Variants in LYST observed in about 807,000 individuals in gnomAD.
The protein encoded by LYST is lysosomal-trafficking regulator.
Under a neutral mutation model 413.6 loss-of-function variants are expected in LYST, and 192 were observed. The ratio of observed to expected loss-of-function variants is 0.46; its 90% CI spans 0.41 to 0.52. The LOEUF (loss-of-function observed/expected upper bound fraction) is 0.52. Among genes scored for constraint, LYST ranks in the 20% least tolerant of loss-of-function variants. LYST has a pLI of 0.00. For synonymous variants in LYST, 1,525 were observed against 1,567.3 expected, an observed-to-expected ratio of 0.97 and a Z score of 0.64; for missense variants, 3,815 against 4,499.9, an observed-to-expected ratio of 0.85 and a Z score of 4.35.
At chr1:235,698,699 G>A (rs1313375675) in intron 45 of LYST, among the ~76,000 whole-genome samples, 3 of 152,156 alleles carry the variant, frequency 2.0e-5, no homozygotes, top group South Asian at 4.1e-4. Context: ...GTGAAACCCT[G>A]TCTCTACTAA....
Position 235,697,096 on chromosome 1 carries a change from A to C in LYST, c.10551T>G (p.Tyr3517Ter). 1 of 1,613,898 alleles carries C rather than the reference A, an allele frequency of 6.2e-7. No homozygotes were observed. Among genetic ancestry groups the C allele is most frequent in the Non-Finnish European group, 8.5e-7 (1 of 1,179,768 alleles). The change falls in exon 46 of 53, where the codon TAT becomes TAG. Residue 3517 changes from tyrosine (Y) to a stop codon, truncating the protein, a stop_gained. Coordinates refer to ENST00000389793, the MANE Select transcript of LYST (RefSeq NM_000081.4). LOFTEE classifies it high-confidence loss of function. ...ATTTTATTTTACCTTGTTCCTTGCTATATGTCATCAGAAGACAGAAATTCC... is the reference window on the plus strand; with the variant it reads ...ATTTTATTTTACCTTGTTCCTTGCTCTATGTCATCAGAAGACAGAAATTCC... ...LSRNFCLLMT[Y>*]SKEQGVRSMN...
At chr1:235,697,958 T>C (rs1661235701) in intron 45 of LYST, among the ~76,000 whole-genome samples, 1 of 152,178 alleles carries the variant, frequency 6.6e-6, no homozygotes, top group South Asian at 2.1e-4. Flanking sequence ...AGATACCCAT[T>C]TGGCTGCCCA....
intron 16 of LYST, among the ~76,000 whole-genome samples, chr1:235,777,964 C>G (rs1338391022): frequency 1.3e-5 from 2 of 151,456 alleles, no homozygotes; most frequent in African/African-American, 4.9e-5. Context: ...GCTCTGGCAC[C>G]CAGGCTGGAG....
chr1:235,772,527 A>C (rs1005712480), intron 19 of LYST, among the ~76,000 whole-genome samples: 3 of 152,176 alleles, frequency 2.0e-5, no homozygotes, highest in Non-Finnish European at 4.4e-5. Context: ...ATTGCTTAAA[A>C]CTAGGGCAGA....
At chr1:235,776,731 C>G (rs1028193847) in intron 17 of LYST, among the ~76,000 whole-genome samples, 8 of 150,840 alleles carry the variant, frequency 5.3e-5, no homozygotes, top group Non-Finnish European at 5.9e-5. Flanking sequence ...TAGTTTTTTC[C>G]TATGCATTGG....
At chr1:235,789,754 T>A (rs1178586478) in intron 12 of LYST, among the ~76,000 whole-genome samples, 1 of 152,184 alleles carries the variant, frequency 6.6e-6, no homozygotes, top group Non-Finnish European at 1.5e-5. Flanking sequence ...GACCAAGATA[T>A]ATGATATACA....
At chr1:235,828,727 A>G in intron 3 of LYST, 1 of 902,986 alleles carries the variant, frequency 1.1e-6, no homozygotes, top group Non-Finnish European at 1.3e-6. Context: ...GAATTTTTTT[A>G]TTGTGGGGAA....
At chr1:235,663,877 A>C in intron 52 of LYST, 107 bp downstream of exon 52, 2 of 984,852 alleles carry the variant, frequency 2.0e-6, no homozygotes, top group Non-Finnish European at 3.3e-6. Context: ...GCTTTTCATG[A>C]TGACTTCAAT....
At chr1:235,680,045 G>C (rs1244794715) in intron 48 of LYST, among the ~76,000 whole-genome samples, 1 of 150,614 alleles carries the variant, frequency 6.6e-6, no homozygotes, top group Non-Finnish European at 1.5e-5. Context: ...AACTAAGACT[G>C]AATAAAAATA....
At chr1:235,784,972 T>C (rs1048564254) in intron 14 of LYST, among the ~76,000 whole-genome samples, 6 of 152,212 alleles carry the variant, frequency 3.9e-5, no homozygotes, top group Admixed American at 6.5e-5. Context: ...AAAACTGAAC[T>C]CTTAATTTTA....
chr1:235,801,563 C>A (rs1672232315), intron 8 of LYST, among the ~76,000 whole-genome samples: 1 of 152,012 alleles, frequency 6.6e-6, no homozygotes, highest in East Asian at 1.9e-4. Flanking sequence ...TTGAATATTG[C>A]ATTTTGGAAA....
chr1:235,791,720 C>T lies in LYST; in HGVS notation c.4522G>A (p.Asp1508Asn), dbSNP rs1485880526. The T allele has an allele frequency of 6.2e-6, 10 of 1,612,352 alleles. No individual in the cohort carries two copies. The highest frequency in any genetic ancestry group is 8.5e-6 in the Non-Finnish European group (10 of 1,178,720). ...KKRNKSLILP[D>N]SSFDGTESDR... Reference sequence around the variant, plus strand: ...ATACCTGTACCATCAAAACTGCTATCTGGTAAAATTAATGATTTGTTTCTT... The same window carrying T: ...ATACCTGTACCATCAAAACTGCTATTTGGTAAAATTAATGATTTGTTTCTT... The change falls in exon 12 of 53, where the codon GAT becomes AAT. Residue 1508 changes from aspartate (D) to asparagine (N), a missense_variant. Physicochemically the swap from Asp to Asn is conservative, Grantham distance 23. This residue lies in a region of LYST where 1,648 missense variants were observed against 1,810.3 expected (regional missense o/e 0.91). Coordinates refer to ENST00000389793, the MANE Select transcript of LYST (RefSeq NM_000081.4).
chr1:235,818,021 A>G (rs1674361560), intron 3 of LYST, among the ~76,000 whole-genome samples: 1 of 150,206 alleles, frequency 6.7e-6, no homozygotes, highest in Admixed American at 6.6e-5. Flanking sequence ...TTATACACAC[A>G]TGTCAATTTT....
At chr1:235,696,333 G>A (rs964616524) in intron 46 of LYST, among the ~76,000 whole-genome samples, 2 of 152,206 alleles carry the variant, frequency 1.3e-5, no homozygotes, top group African/African-American at 2.4e-5. Flanking sequence ...AGAAGGTAAT[G>A]GTAATTGCCA....
chr1:235,710,198 A>G (rs1348994645), intron 43 of LYST, among the ~76,000 whole-genome samples: 1 of 152,166 alleles, frequency 6.6e-6, no homozygotes, highest in Admixed American at 6.5e-5. Flanking sequence ...AATACTTGGG[A>G]AGTATTTTGA....
intron 39 of LYST, among the ~76,000 whole-genome samples, chr1:235,722,701 G>T (rs1223508326): frequency 2.0e-5 from 3 of 152,102 alleles, no homozygotes; most frequent in Non-Finnish European, 2.9e-5. Context: ...GGCCAGGCTG[G>T]TCTTGAACTC....
At chr1:235,877,653 G>A (rs902364441) in intron 1 of LYST, among the ~76,000 whole-genome samples, 1 of 151,982 alleles carries the variant, frequency 6.6e-6, no homozygotes, top group African/African-American at 2.4e-5. Context: ...TGATCCACCC[G>A]CCTTGGCCTC....
intron 26 of LYST, 137 bp downstream of exon 26, chr1:235,752,907 C>A (rs2103314119): frequency 6.2e-6 from 3 of 482,810 alleles, no homozygotes; most frequent in East Asian, 6.7e-5. Context: ...TATTTTTTTA[C>A]TTTTATTTTA....
chr1:235,830,001 C>A, intron 3 of LYST: 1 of 512,396 alleles, frequency 2.0e-6, no homozygotes, highest in Non-Finnish European at 3.5e-6. Context: ...TATATGAAAC[C>A]ATTTAGTTCT....
Sources: gnomAD v4.1 joint callset for allele counts (sites outside exome capture counted in the v4.1 genomes callset) on GRCh38, gnomAD v4.1.1 for gene constraint, gnomAD v4.1.1 regional missense constraint, MANE v1.5 for transcripts, NCBI Gene and HGNC (gene_info 2026-07-23, HGNC 2026-07-21) for gene names.